The following NELL1 variants were observed in gnomAD, a reference collection of about 807,000 sequenced individuals.
NELL1 encodes the protein protein kinase C-binding protein NELL1.
A neutral mutation model predicts 107.4 loss-of-function variants in NELL1; 76 were observed. The ratio of observed to expected loss-of-function variants is 0.71; its 90% confidence interval spans 0.59 to 0.86. NELL1 has a LOEUF of 0.86. NELL1 is among the 40% of genes least tolerant of loss of function. The pLI is 0.00. For missense variants in NELL1, 1,024 were observed against 1,005.5 expected (o/e 1.02, Z -0.25); for synonymous variants, 353 against 341.2 (o/e 1.03, Z -0.38).
At chr11:20,903,863 A>C (rs12279157) in intron 5 of NELL1, among the ~76,000 whole-genome samples, 1,841 of 152,238 alleles carry the variant, frequency 0.012, 29 homozygotes, top group African/African-American at 0.042. Context: ...AACCGAGTGA[A>C]TGCTGAATCA....
At chr11:21,206,968 G>A (rs983549400) in intron 13 of NELL1, among the ~76,000 whole-genome samples, 2 of 152,154 alleles carry the variant, frequency 1.3e-5, no homozygotes, top group African/African-American at 4.8e-5. Context: ...TCAGCAAAAA[G>A]GACACTGTGG....
intron 3 of NELL1, among the ~76,000 whole-genome samples, chr11:20,836,670 A>C (rs1848540035): frequency 6.6e-6 from 1 of 152,036 alleles, no homozygotes; most frequent in Non-Finnish European, 1.5e-5. Flanking sequence ...AATGCATGTT[A>C]CTAAGTGAAA....
chr11:21,054,175 C>CT (rs563269441), intron 12 of NELL1, among the ~76,000 whole-genome samples: 2 of 151,552 alleles, frequency 1.3e-5, no homozygotes, highest in Non-Finnish European at 2.9e-5. Context: ...GTTTCCCTCT[C>CT]TTTTTTTCTC....
At chr11:20,673,566 G>T (rs1245062771) in intron 1 of NELL1, among the ~76,000 whole-genome samples, 1 of 152,220 alleles carries the variant, frequency 6.6e-6, no homozygotes, top group African/African-American at 2.4e-5. Flanking sequence ...TTCCCTGGGT[G>T]GGGGTGAGGA....
intron 2 of NELL1, among the ~76,000 whole-genome samples, chr11:20,736,583 C>A (rs1855767472): frequency 6.6e-6 from 1 of 152,120 alleles, no homozygotes; most frequent in Admixed American, 6.5e-5. Flanking sequence ...CTTTATTGTC[C>A]ATTGTCTAAA....
At chr11:20,995,456 T>A (rs778293543) in intron 12 of NELL1, among the ~76,000 whole-genome samples, 1 of 152,022 alleles carries the variant, frequency 6.6e-6, no homozygotes, top group Non-Finnish European at 1.5e-5. Context: ...CGCATGCCTG[T>A]AATCCCAGCC....
intron 13 of NELL1, among the ~76,000 whole-genome samples, chr11:21,185,404 C>T (rs1194921943): frequency 6.7e-6 from 1 of 149,186 alleles, no homozygotes; most frequent in African/African-American, 2.5e-5. Context: ...AAGCGATTCT[C>T]CTGCCTCAGC....
intron 15 of NELL1, among the ~76,000 whole-genome samples, chr11:21,423,202 T>A (rs1449105984): frequency 6.6e-6 from 1 of 151,542 alleles, no homozygotes; most frequent in Non-Finnish European, 1.5e-5. Context: ...CCATCTCCAC[T>A]AAAAATACAA....
At chr11:21,025,841 T>G (rs1590554667) in intron 12 of NELL1, among the ~76,000 whole-genome samples, 1 of 152,254 alleles carries the variant, frequency 6.6e-6, no homozygotes, top group South Asian at 2.1e-4. Flanking sequence ...CCCCAACAAC[T>G]TGCCCTCCCC....
At chr11:21,048,277 T>C (rs540120409) in intron 12 of NELL1, among the ~76,000 whole-genome samples, 64 of 152,308 alleles carry the variant, frequency 4.2e-4, no homozygotes, top group African/African-American at 1.5e-3. Context: ...TTGTACACTT[T>C]TTGATCTACT....
chr11:21,490,359 C>G (rs571415558), intron 15 of NELL1, among the ~76,000 whole-genome samples: 3 of 150,572 alleles, frequency 2.0e-5, no homozygotes, highest in Non-Finnish European at 4.4e-5. Context: ...AATGGCCATA[C>G]TGTCCAAAGA....
At chr11:20,861,625 A>C (rs1293942558) in intron 4 of NELL1, among the ~76,000 whole-genome samples, 1 of 152,172 alleles carries the variant, frequency 6.6e-6, no homozygotes, top group African/African-American at 2.4e-5. Context: ...GGGAGTAACA[A>C]GATTGAACTG....
At chr11:20,957,974 A>G (rs1851212623) in intron 11 of NELL1, among the ~76,000 whole-genome samples, 1 of 152,248 alleles carries the variant, frequency 6.6e-6, no homozygotes. Flanking sequence ...AAACGTGGAA[A>G]GGGAATGTTT....
At chr11:20,771,259 T>C (rs1212180403) in intron 2 of NELL1, among the ~76,000 whole-genome samples, 1 of 152,156 alleles carries the variant, frequency 6.6e-6, no homozygotes, top group Non-Finnish European at 1.5e-5. Flanking sequence ...AATGCTGCCC[T>C]GTTGGTCCCT....
intron 3 of NELL1, among the ~76,000 whole-genome samples, chr11:20,818,046 AG>A (rs997089205): frequency 2.0e-5 from 3 of 152,182 alleles, no homozygotes; most frequent in African/African-American, 7.2e-5. Context: ...CGTGCAGATG[AG>A]AAAAATGTAT....
chr11:21,172,528 C>T (rs1856629149), intron 13 of NELL1, among the ~76,000 whole-genome samples: 2 of 151,716 alleles, frequency 1.3e-5, no homozygotes, highest in Admixed American at 6.6e-5. Context: ...AGAAAATAGC[C>T]ATTATTCCAG....
Position 21,331,165 on chromosome 11 carries a change from G to A in NELL1, c.1550-39688G>A, listed in dbSNP as rs553966425. 4.0e-5 allele frequency among the ~76,000 whole-genome samples: 6 copies of A among 151,858 alleles called. No homozygotes were observed. The East Asian group carries it at 9.7e-4, about 25-fold the overall frequency. ...CTTTAGTACTTTGAACATATTTATT[G>A]TAGTTGCTTTAGAGTCTTTGTCATG... On this transcript the variant is annotated intron_variant, in intron 14 of 19. Transcript: ENST00000357134.
At chr11:20,746,909 G>A (rs778493269) in intron 2 of NELL1, among the ~76,000 whole-genome samples, 1 of 152,158 alleles carries the variant, frequency 6.6e-6, no homozygotes, top group Non-Finnish European at 1.5e-5. Flanking sequence ...CATGGCTGAA[G>A]TTAACAACTT....
At chr11:20,858,455 C>T (rs933558686) in intron 4 of NELL1, among the ~76,000 whole-genome samples, 7 of 152,136 alleles carry the variant, frequency 4.6e-5, no homozygotes, top group African/African-American at 9.7e-5. Flanking sequence ...TAATCTGCAC[C>T]GATAGCTGAG....
Sources: allele counts gnomAD v4.1 joint callset (sites outside exome capture counted in the v4.1 genomes callset), GRCh38; gene constraint gnomAD v4.1.1; transcripts MANE v1.5; gene names NCBI Gene and HGNC (gene_info 2026-07-23, HGNC 2026-07-21).